Variants in MYH9 observed in about 807,000 individuals in gnomAD.
MYH9 encodes myosin-9.
MYH9 carries 29 observed loss-of-function variants against 241.9 expected under a neutral mutation model. That is an observed-to-expected ratio of 0.12 (90% CI 0.09 to 0.16). MYH9 has a LOEUF of 0.16. MYH9 is among the 10% of genes least tolerant of loss of function. The probability of loss-of-function intolerance (pLI) is 1.00; values close to 1 mark genes in which losing one functional copy is unlikely to be tolerated. For synonymous variants in MYH9, 1,047 were observed against 1,062.6 expected (o/e 0.99, Z 0.29); for missense variants, 1,803 against 2,595.5 (o/e 0.69, Z 6.63).
Position 36,298,914 on chromosome 22 carries a change from C to T in MYH9, c.3100+5G>A. On this transcript the variant is annotated splice_donor_5th_base_variant and intron_variant, in intron 24 of 40. Transcript: ENST00000216181. ...CCCATCACCTCCTGCTCGTCACCCC[C>T]TCACCTTCCAAGTCAGTGATCATTG... 1 of 1,613,830 alleles carries T rather than the reference C, an allele frequency of 6.2e-7. No homozygotes were observed. Among genetic ancestry groups the T allele is most frequent in the Non-Finnish European group, 8.5e-7 (1 of 1,179,964 alleles).
At position 36,298,968 on chromosome 22, in the gene MYH9, G is replaced by A. The variant is rs145404206; in HGVS notation, c.3051C>T (p.Ser1017=). Residue 1017 remains serine (S), a synonymous_variant, in exon 24 of 41, where the codon AGC becomes AGT. Transcript: ENST00000216181. ...CATGCTTGTTCTTGAGCTTGGCGAGGCTCTTAGATTTCTCCTCCTCTTCTG... is the reference window on the plus strand; with the variant it reads ...CATGCTTGTTCTTGAGCTTGGCGAGACTCTTAGATTTCTCCTCCTCTTCTG... ...NLTEEEEKSK[S]LAKLKNKHEA... is the part of the protein sequence containing the mutation. 65 of 1,614,026 alleles carry A rather than the reference G, an allele frequency of 4.0e-5. 1 individual carries two copies. The highest frequency in any genetic ancestry group is 2.3e-4 in the Admixed American group (14 of 60,004).
intron 1 of MYH9, among the ~76,000 whole-genome samples, chr22:36,372,980 C>T (rs970770744): frequency 2.3e-4 from 35 of 152,178 alleles, no homozygotes; most frequent in Admixed American, 2.2e-3. Context: ...GCAAAGGCAG[C>T]CCTTGCATTC....
intron 31 of MYH9, among the ~76,000 whole-genome samples, chr22:36,291,574 G>A (rs1387041362): frequency 9.2e-5 from 14 of 151,668 alleles, no homozygotes; most frequent in Non-Finnish European, 1.8e-4. Context: ...TAGGAAAACC[G>A]GAGACCTTTG....
At chr22:36,292,973 C>T (rs1240041961) in intron 30 of MYH9, among the ~76,000 whole-genome samples, 1 of 152,234 alleles carries the variant, frequency 6.6e-6, no homozygotes, top group African/African-American at 2.4e-5. Flanking sequence ...CCAAGGAGCT[C>T]GGCCACAACC....
intron 3 of MYH9, among the ~76,000 whole-genome samples, chr22:36,335,827 C>A (rs764668653): frequency 6.6e-6 from 1 of 152,212 alleles, no homozygotes. Flanking sequence ...TGGCTCTCTG[C>A]GGGCTTTTCG....
chr22:36,376,144 A>G (rs376713105), intron 1 of MYH9, among the ~76,000 whole-genome samples: 136 of 151,966 alleles, frequency 8.9e-4, no homozygotes, highest in African/African-American at 3.2e-3. Context: ...TATTTTTAGT[A>G]GAGACGTGGT....
chr22:36,349,261 C>A lies in MYH9; in HGVS notation c.-19-6G>T, dbSNP rs539995320. 1 of 1,608,178 alleles carries A rather than the reference C, an allele frequency of 6.2e-7. No individual in the cohort carries two copies. The highest frequency in any genetic ancestry group is 8.5e-7 in the Non-Finnish European group (1 of 1,175,392). ...TGGTGACTTATAGCCAGGACCTAAG[C>A]GGGGAGGAGAAGGACAACACATTAC... On this transcript the variant is annotated splice_polypyrimidine_tract_variant and splice_region_variant and intron_variant, in intron 1 of 40. Coordinates refer to ENST00000216181, the MANE Select transcript of MYH9 (RefSeq NM_002473.6).
Position 36,293,271 on chromosome 22 carries a change from T to G in MYH9, c.4095+58A>C. On this transcript the variant is annotated intron_variant, in intron 30 of 40. Coordinates refer to ENST00000216181, the MANE Select transcript of MYH9 (RefSeq NM_002473.6). This position sits in a 1 kb window ranked among gnomAD's most constrained non-coding sequence, Gnocchi z 5.1. Reference sequence around the variant, plus strand: ...GGCTGTCCTGCAGTGCCCAGGCCAGTGCCCGGCCAGCAGCTCCCCAGCCTG... The same window carrying G: ...GGCTGTCCTGCAGTGCCCAGGCCAGGGCCCGGCCAGCAGCTCCCCAGCCTG... 6.2e-7 allele frequency: 1 copy of G among 1,608,252 alleles called. No individual in the cohort carries two copies. The highest frequency in any genetic ancestry group is 1.1e-5 in the South Asian group (1 of 90,946).
rs2146339896 is a variant in MYH9 at position 36,296,995 on chromosome 22, C to T, written c.3120G>A (p.Glu1040=). ...TDLEERLRRE[E]KQRQELEKTR... is the part of the protein sequence containing the mutation. The stretch of plus-strand genomic sequence containing the variant: ...TCTTCTCCAGCTCCTGTCGCTGCTT[C>T]TCCTCCCTGCGGAGGCGCTCTGCAA... The change falls in exon 25 of 41, where the codon GAG becomes GAA. Residue 1040 remains glutamate, a synonymous_variant. Transcript: ENST00000216181. 6.2e-7 allele frequency: 1 copy of T among 1,614,100 alleles called. No homozygotes were observed. The highest frequency in any genetic ancestry group is 1.3e-5 in the African/African-American group (1 of 75,070).
intron 2 of MYH9, among the ~76,000 whole-genome samples, chr22:36,347,579 T>G (rs981900400): frequency 8.7e-5 from 13 of 150,134 alleles, no homozygotes; most frequent in African/African-American, 3.2e-4. Flanking sequence ...AATAAAAATA[T>G]TAAAAATTAG....
chr22:36,302,713 G>T (rs1056833396), intron 19 of MYH9, 37 bp from the exon 20 acceptor site: 50 of 1,574,112 alleles, frequency 3.2e-5, no homozygotes, highest in Non-Finnish European at 4.2e-5. Flanking sequence ...CGGAGCAGTG[G>T]ACAGCAGACC....
chr22:36,371,828 C>G (rs990682313), intron 1 of MYH9, among the ~76,000 whole-genome samples: 10 of 152,122 alleles, frequency 6.6e-5, no homozygotes, highest in African/African-American at 2.4e-4. Flanking sequence ...AGCCACCACA[C>G]CCAGCTGCCT....
rs146320794 is a variant in MYH9 at position 36,358,898 on chromosome 22, G to A, written c.-19-9643C>T. Reference sequence around the variant, plus strand: ...ACCTTCACCAGAATAAAATCTGCATGCTAAGCAAGCCCTCTAGGACCCCAC... The same window carrying A: ...ACCTTCACCAGAATAAAATCTGCATACTAAGCAAGCCCTCTAGGACCCCAC... On this transcript the variant is annotated intron_variant, in intron 1 of 40. Transcript: ENST00000216181. Among the ~76,000 whole-genome samples, 11 of 152,316 alleles carry A rather than the reference G, an allele frequency of 7.2e-5. No homozygotes were observed. The East Asian group carries it at 2.1e-3, about 29-fold the overall frequency.
chr22:36,375,050 G>A (rs1463862534), intron 1 of MYH9, among the ~76,000 whole-genome samples: 1 of 152,132 alleles, frequency 6.6e-6, no homozygotes, highest in Non-Finnish European at 1.5e-5. Flanking sequence ...AGAAACAAGG[G>A]CCTATGTTTC....
intron 2 of MYH9, among the ~76,000 whole-genome samples, chr22:36,344,132 C>G (rs974163762): frequency 1.3e-5 from 2 of 152,222 alleles, no homozygotes; most frequent in Non-Finnish European, 2.9e-5. Flanking sequence ...GGAGCTAAGC[C>G]CTGCGGAAAG....
At chr22:36,291,019 G>A (rs984975209) in intron 31 of MYH9, among the ~76,000 whole-genome samples, 10 of 149,980 alleles carry the variant, frequency 6.7e-5, no homozygotes, top group African/African-American at 2.5e-4. Context: ...AGTGAGGAGC[G>A]TCTCCGCCCG....
At chr22:36,368,553 C>T (rs1011190989) in intron 1 of MYH9, among the ~76,000 whole-genome samples, 1 of 152,186 alleles carries the variant, frequency 6.6e-6, no homozygotes, top group Non-Finnish European at 1.5e-5. Context: ...GAGGTGGACC[C>T]GCAAGCTTTC....
chr22:36,384,132 A>C (rs1382605116), intron 1 of MYH9, among the ~76,000 whole-genome samples: 21 of 151,754 alleles, frequency 1.4e-4, no homozygotes, highest in Non-Finnish European at 1.3e-4. Context: ...TTAGCCAAGT[A>C]TGGTGGCAGG....
intron 19 of MYH9, 138 bp downstream of exon 19, chr22:36,303,857 A>G: frequency 1.2e-6 from 1 of 801,192 alleles, no homozygotes; most frequent in Non-Finnish European, 2.0e-6. Flanking sequence ...ATCCAGGAAC[A>G]GGGGTAGGAA....
Sources: gnomAD v4.1 joint callset for allele counts (sites outside exome capture counted in the v4.1 genomes callset) on GRCh38, gnomAD v4.1.1 for gene constraint, Gnocchi (gnomAD v3.1) non-coding constraint, MANE v1.5 for transcripts, NCBI Gene and HGNC (gene_info 2026-07-23, HGNC 2026-07-21) for gene names.